Variants in TRAPPC9 observed in about 807,000 individuals in gnomAD.
The protein encoded by TRAPPC9 is trafficking protein particle complex subunit 9.
In TRAPPC9, 83 loss-of-function variants were observed where a neutral mutation model predicts 124.0. The observed-to-expected ratio is 0.67, with a 90% CI of 0.56 to 0.80. The LOEUF is 0.80. Among genes scored for constraint, TRAPPC9 ranks in the 30% least tolerant of loss-of-function variants. TRAPPC9 has a pLI of 0.00. For synonymous variants in TRAPPC9, 638 were observed against 617.5 expected (o/e 1.03, Z -0.49); for missense variants, 1,302 against 1,508.3 (o/e 0.86, Z 2.27).
intron 21 of TRAPPC9, among the ~76,000 whole-genome samples, chr8:139,849,574 T>A (rs1827315995): frequency 6.6e-6 from 1 of 152,246 alleles, no homozygotes; most frequent in Non-Finnish European, 1.5e-5. Context: ...ATTAAACAGA[T>A]CACATGTTCC....
At chr8:140,404,641 T>G (rs2069406512) in intron 6 of TRAPPC9, among the ~76,000 whole-genome samples, 1 of 152,194 alleles carries the variant, frequency 6.6e-6, no homozygotes, top group South Asian at 2.1e-4. Flanking sequence ...CATACTATGA[T>G]CCCATTTTCA....
intron 16 of TRAPPC9, among the ~76,000 whole-genome samples, chr8:140,249,106 G>C (rs2064059762): frequency 6.6e-6 from 1 of 152,098 alleles, no homozygotes; most frequent in South Asian, 2.1e-4. Flanking sequence ...GCTGAGGTTT[G>C]GGAAATGAGT....
Position 140,085,934 on chromosome 8 carries a change from C to G in TRAPPC9, c.2557-61855G>C, listed in dbSNP as rs568971240. Reference sequence around the variant, plus strand: ...TATAGCTTCCCCCCACCCCACACCCCCTTAGGAATCACTGTGGTTTTTTCT... The same window carrying G: ...TATAGCTTCCCCCCACCCCACACCCGCTTAGGAATCACTGTGGTTTTTTCT... On this transcript the variant is annotated intron_variant, in intron 17 of 22. Transcript: ENST00000438773. 2.0e-5 allele frequency among the ~76,000 whole-genome samples: 3 copies of G among 152,268 alleles called. No individual in the cohort carries two copies. The South Asian group carries it at 6.2e-4, about 32-fold the overall frequency.
chr8:139,775,383 G>A (rs774468617), intron 21 of TRAPPC9, among the ~76,000 whole-genome samples: 1 of 152,184 alleles, frequency 6.6e-6, no homozygotes, highest in Non-Finnish European at 1.5e-5. Flanking sequence ...TTCCATTCCT[G>A]TAAACATTTT....
At chr8:139,979,349 C>T (rs778705347) in intron 19 of TRAPPC9, among the ~76,000 whole-genome samples, 2 of 152,252 alleles carry the variant, frequency 1.3e-5, no homozygotes, top group East Asian at 1.9e-4. Flanking sequence ...CCCACTCACC[C>T]GCCCACTCGC....
intron 19 of TRAPPC9, among the ~76,000 whole-genome samples, chr8:139,923,398 T>G (rs147091193): frequency 5.3e-4 from 80 of 152,360 alleles, no homozygotes; most frequent in African/African-American, 1.8e-3. Context: ...GCGCCCCATC[T>G]GAACACATGG....
intron 21 of TRAPPC9, among the ~76,000 whole-genome samples, chr8:139,760,181 G>A (rs1381344174): frequency 6.6e-6 from 1 of 152,200 alleles, no homozygotes; most frequent in East Asian, 1.9e-4. Context: ...AGGTCTGTGT[G>A]GCTCTGTGAG....
chr8:139,781,008 A>G (rs905207638), intron 21 of TRAPPC9, among the ~76,000 whole-genome samples: 13 of 152,356 alleles, frequency 8.5e-5, no homozygotes, highest in African/African-American at 2.2e-4. Flanking sequence ...AAACACTGAC[A>G]ATACCAAATG....
chr8:139,874,874 G>A (rs1053528734), intron 21 of TRAPPC9, among the ~76,000 whole-genome samples: 12 of 152,274 alleles, frequency 7.9e-5, no homozygotes, highest in Admixed American at 5.9e-4. Context: ...AGTCCCACAC[G>A]CGCATAACCG....
At position 139,776,446 on chromosome 8, in the gene TRAPPC9, C is replaced by T. The variant is rs1821387817; in HGVS notation, c.3056-44244G>A. 6.6e-6 allele frequency among the ~76,000 whole-genome samples: 1 copy of T among 152,258 alleles called. No homozygotes were observed. ...TGGCACCAGGGTGAAGACACATGCT[C>T]ATCACCCAGGGGTTAGCGTCGCTTG... On this transcript the variant is annotated intron_variant, in intron 21 of 22. Coordinates refer to ENST00000438773, the MANE Select transcript of TRAPPC9 (RefSeq NM_001160372.4). This position sits in a 1 kb window ranked among gnomAD's most constrained non-coding sequence, Gnocchi z 4.1.
chr8:140,214,507 G>A (rs374001036), intron 17 of TRAPPC9, among the ~76,000 whole-genome samples: 2 of 152,200 alleles, frequency 1.3e-5, no homozygotes, highest in South Asian at 4.1e-4. Flanking sequence ...TTACATACAA[G>A]AATGAAGTTC....
chr8:139,812,583 T>C (rs557370012), intron 21 of TRAPPC9, among the ~76,000 whole-genome samples: 176 of 152,230 alleles, frequency 1.2e-3, no homozygotes, highest in Non-Finnish European at 2.4e-3. Context: ...GTGGAACGAA[T>C]TGGCTTTTTA....
intron 17 of TRAPPC9, among the ~76,000 whole-genome samples, chr8:140,043,837 G>A (rs2132043252): frequency 6.6e-6 from 1 of 152,316 alleles, no homozygotes. Flanking sequence ...GATGGGGAAA[G>A]CATGGTGACG....
chr8:139,944,575 C>T (rs976406876), intron 19 of TRAPPC9, among the ~76,000 whole-genome samples: 1 of 151,978 alleles, frequency 6.6e-6, no homozygotes, highest in Non-Finnish European at 1.5e-5. Flanking sequence ...CCACTAAAAA[C>T]ATAAAGAGGT....
chr8:140,094,003 C>G (rs1010357554), intron 17 of TRAPPC9, among the ~76,000 whole-genome samples: 1 of 152,156 alleles, frequency 6.6e-6, no homozygotes, highest in Non-Finnish European at 1.5e-5. Context: ...CCATACTGAC[C>G]CTCCCCAGGT....
intron 8 of TRAPPC9, among the ~76,000 whole-genome samples, chr8:140,361,595 T>G (rs1041925127): frequency 6.6e-6 from 1 of 152,244 alleles, no homozygotes; most frequent in South Asian, 2.1e-4. Flanking sequence ...TCAATGAATA[T>G]AATGTGGTTA....
chr8:139,830,950 G>A (rs569938469), intron 21 of TRAPPC9, among the ~76,000 whole-genome samples: 4 of 152,244 alleles, frequency 2.6e-5, no homozygotes, highest in Admixed American at 6.5e-5. Context: ...AAGCTCCATC[G>A]CTGGCCGCGC....
intron 9 of TRAPPC9, among the ~76,000 whole-genome samples, chr8:140,334,861 A>G (rs531057543): frequency 6.6e-6 from 1 of 152,186 alleles, no homozygotes; most frequent in African/African-American, 2.4e-5. Flanking sequence ...TAAGCAAGAT[A>G]ATAAGGAGGT....
chr8:139,987,817 G>A (rs989248913), intron 19 of TRAPPC9, among the ~76,000 whole-genome samples: 10 of 152,284 alleles, frequency 6.6e-5, no homozygotes, highest in African/African-American at 1.9e-4. Flanking sequence ...GCATCACCCC[G>A]GAGTCACTGA....
Sources: allele counts gnomAD v4.1 joint callset (sites outside exome capture counted in the v4.1 genomes callset), GRCh38; gene constraint gnomAD v4.1.1; non-coding constraint Gnocchi (gnomAD v3.1); transcripts MANE v1.5; gene names NCBI Gene and HGNC (gene_info 2026-07-23, HGNC 2026-07-21).